The following ANO3 variants were observed in gnomAD, a reference collection of about 807,000 sequenced individuals.
The protein encoded by ANO3 is anoctamin-3.
A neutral mutation model predicts 144.8 loss-of-function variants in ANO3; 99 were observed. The observed-to-expected ratio is 0.68, with a 90% CI of 0.58 to 0.81. The LOEUF (loss-of-function observed/expected upper bound fraction) is 0.81, where lower values mean the gene tolerates loss of function less well. ANO3 is among the 30% of genes least tolerant of loss of function. ANO3 has a pLI of 0.00. For missense variants in ANO3, 905 were observed against 1,202.2 expected, an observed-to-expected ratio of 0.75 and a Z score of 3.66; for synonymous variants, 414 against 392.6, an observed-to-expected ratio of 1.05 and a Z score of -0.64.
intron 26 of ANO3, among the ~76,000 whole-genome samples, chr11:26,657,458 C>T (rs977016045): frequency 2.0e-5 from 3 of 152,056 alleles, no homozygotes; most frequent in Non-Finnish European, 1.5e-5. Flanking sequence ...TTTTTATTTA[C>T]ACTTCTCCCC....
At chr11:26,310,498 T>C (rs1240209235) in intron 1 of ANO3, among the ~76,000 whole-genome samples, 2 of 152,208 alleles carry the variant, frequency 1.3e-5, no homozygotes, top group Non-Finnish European at 2.9e-5. Flanking sequence ...AAGAGTTCCT[T>C]CTGCCTGAAT....
chr11:26,365,170 T>C (rs1040159011), intron 1 of ANO3, among the ~76,000 whole-genome samples: 1 of 152,212 alleles, frequency 6.6e-6, no homozygotes, highest in African/African-American at 2.4e-5. Flanking sequence ...TCCAAAAGAA[T>C]ATCCTTTGAC....
At chr11:26,226,340 T>C (rs1852256805) in intron 1 of ANO3, among the ~76,000 whole-genome samples, 2 of 152,094 alleles carry the variant, frequency 1.3e-5, no homozygotes, top group South Asian at 4.1e-4. Context: ...AAATAAACTA[T>C]TACATTATTT....
At chr11:26,603,659 A>G (rs183829982) in intron 17 of ANO3, among the ~76,000 whole-genome samples, 75 of 137,776 alleles carry the variant, frequency 5.4e-4, no homozygotes, top group Non-Finnish European at 3.3e-5. Context: ...CATTTTTTCT[A>G]GAATACACAT....
chr11:26,551,375 ACTCT>A (rs10548353), intron 12 of ANO3, among the ~76,000 whole-genome samples: 99,661 of 151,288 alleles, frequency 0.66, 33,081 homozygotes, highest in East Asian at 0.83. Context: ...CATGATGGGA[ACTCT>A]CTCTCCCTCT....
intron 4 of ANO3, among the ~76,000 whole-genome samples, chr11:26,474,530 A>G (rs541771481): frequency 6.6e-6 from 1 of 152,030 alleles, no homozygotes; most frequent in African/African-American, 2.4e-5. Flanking sequence ...AGAAAGTCAG[A>G]AAAACATCTG....
chr11:26,342,197 G>A (rs1855380285), intron 1 of ANO3, among the ~76,000 whole-genome samples: 1 of 152,180 alleles, frequency 6.6e-6, no homozygotes. Flanking sequence ...GCAGAAATAT[G>A]AGGATTAGCA....
At chr11:26,268,664 T>G (rs750147207) in intron 1 of ANO3, among the ~76,000 whole-genome samples, 1 of 152,196 alleles carries the variant, frequency 6.6e-6, no homozygotes, top group Non-Finnish European at 1.5e-5. Context: ...CCGAAGGCCA[T>G]GTTTACCATC....
chr11:26,249,714 G>A (rs12283141), intron 1 of ANO3, among the ~76,000 whole-genome samples: 2,148 of 151,348 alleles, frequency 0.014, 39 homozygotes, highest in African/African-American at 0.05. Flanking sequence ...TTAACTAATT[G>A]CCTCTTATTA....
At chr11:26,205,996 A>G (rs1256944390) in intron 1 of ANO3, among the ~76,000 whole-genome samples, 2 of 152,204 alleles carry the variant, frequency 1.3e-5, no homozygotes, top group Non-Finnish European at 1.5e-5. Flanking sequence ...TTCAAATTTT[A>G]TGCTTTAAGT....
chr11:26,345,570 A>C (rs1454421981), intron 1 of ANO3, among the ~76,000 whole-genome samples: 3 of 152,170 alleles, frequency 2.0e-5, no homozygotes, highest in Admixed American at 6.6e-5. Flanking sequence ...AAACAAACAA[A>C]CAAAAAATAT....
At chr11:26,565,099 A>C in intron 14 of ANO3, 1 of 1,432,488 alleles carries the variant, frequency 7.0e-7, no homozygotes, top group Non-Finnish European at 9.3e-7. Flanking sequence ...CCTTAGACTT[A>C]CTCTGCATGA....
Position 26,610,618 on chromosome 11 carries a change from A to G in ANO3, c.1836+10904A>G, listed in dbSNP as rs114222239. ...CTTGCCCAGCCCAAAGTCATACAGC[A>G]TTTCCCCTACATTTTCTTTTAGTAG... is the stretch of plus-strand genomic sequence containing the variant. On this transcript the variant is annotated intron_variant, in intron 17 of 26. Transcript: ENST00000256737. Among the ~76,000 whole-genome samples the G allele has an allele frequency of 9.3e-3, 1,407 of 152,076 alleles. 31 individuals carry two copies. Among genetic ancestry groups the G allele is most frequent in the African/African-American group, 0.032 (1,320 of 41,470 alleles).
At chr11:26,445,210 G>T (rs1858659711) in intron 3 of ANO3, among the ~76,000 whole-genome samples, 1 of 151,958 alleles carries the variant, frequency 6.6e-6, no homozygotes, top group South Asian at 2.1e-4. Flanking sequence ...TTTGGATTTG[G>T]GAAGCTGAAA....
rs1858608733 is a variant in ANO3 at position 26,443,705 on chromosome 11, T to A, written c.242-60T>A. ...TCATTTGTCCATCTATAACCATGGTTATTTTTCTGTTGTTATGCTTTTATT... is the reference window on the plus strand; with the variant it reads ...TCATTTGTCCATCTATAACCATGGTAATTTTTCTGTTGTTATGCTTTTATT... On this transcript the variant is annotated intron_variant, in intron 2 of 26. Transcript: ENST00000256737. 1.4e-5 allele frequency: 14 copies of A among 979,242 alleles called. No homozygotes were observed. The South Asian group carries it at 2.4e-4, about 17-fold the overall frequency. The allele number at this position is 979,242 out of a possible 1,614,324, so 60.7% of individuals were successfully genotyped here. A position where few individuals can be genotyped will look rare whatever the true frequency, so the allele number is the denominator to read the frequency against.
intron 14 of ANO3, among the ~76,000 whole-genome samples, chr11:26,564,732 C>CACAT (rs1565108986): frequency 7.9e-5 from 2 of 25,414 alleles, no homozygotes; most frequent in Non-Finnish European, 1.4e-4. Flanking sequence ...CACACACACA[C>CACAT]ATATATATAT....
chr11:26,561,038 C>G, intron 14 of ANO3: 1 of 1,592,666 alleles, frequency 6.3e-7, no homozygotes, highest in Non-Finnish European at 8.5e-7. Context: ...ATGACACTTG[C>G]TGTTTAACGC....
chr11:26,279,225 G>T (rs952351791), intron 1 of ANO3, among the ~76,000 whole-genome samples: 2 of 152,062 alleles, frequency 1.3e-5, no homozygotes, highest in East Asian at 3.9e-4. Flanking sequence ...ATCAGGTCTG[G>T]AAACAGAGAA....
chr11:26,228,751 A>G (rs1870758), intron 1 of ANO3, among the ~76,000 whole-genome samples: 59,629 of 152,058 alleles, frequency 0.39, 12,216 homozygotes, highest in Non-Finnish European at 0.44. Flanking sequence ...GGCCATACAG[A>G]GAAGGGCATG....
Sources: gnomAD v4.1 joint callset for allele counts (sites outside exome capture counted in the v4.1 genomes callset) on GRCh38, gnomAD v4.1.1 for gene constraint, MANE v1.5 for transcripts, NCBI Gene and HGNC (gene_info 2026-07-23, HGNC 2026-07-21) for gene names.